UBE2F: variants seen among roughly 807,000 people sequenced by gnomAD.
The protein encoded by UBE2F is NEDD8-conjugating enzyme UBE2F.
UBE2F carries 5 observed loss-of-function variants against 29.6 expected under a neutral mutation model. That is an observed-to-expected ratio of 0.17 (90% CI 0.09 to 0.36). The LOEUF (loss-of-function observed/expected upper bound fraction) is 0.36. Ranked by LOEUF, UBE2F falls within the 10% of genes least tolerant of loss-of-function variation. The pLI is 1.00. For synonymous variants in UBE2F, 66 were observed against 81.8 expected (o/e 0.81, Z 1.04); for missense variants, 141 against 228.5 (o/e 0.62, Z 2.47).
intron 3 of UBE2F, among the ~76,000 whole-genome samples, chr2:237,991,310 A>C (rs1039828472): frequency 6.6e-6 from 1 of 152,214 alleles, no homozygotes; most frequent in Admixed American, 6.5e-5. Flanking sequence ...ACCCTTTACT[A>C]TCTATTTAAT....
At chr2:237,997,507 G>A (rs191974778) in intron 4 of UBE2F, among the ~76,000 whole-genome samples, 94 of 152,238 alleles carry the variant, frequency 6.2e-4, no homozygotes, top group Admixed American at 1.8e-3. Context: ...TTAGAATCCT[G>A]CTCCTCTTCA....
At chr2:237,994,634 C>A in intron 3 of UBE2F, 110 bp from the exon 4 acceptor site, 1 of 798,036 alleles carries the variant, frequency 1.3e-6, no homozygotes, top group Non-Finnish European at 2.1e-6. Flanking sequence ...TTTCCATAAA[C>A]CATACGAATC....
chr2:238,005,616 C>G (rs201226169), intron 4 of UBE2F, among the ~76,000 whole-genome samples: 2 of 116,522 alleles, frequency 1.7e-5, no homozygotes, highest in Non-Finnish European at 3.7e-5. Context: ...TTTTTTTTTT[C>G]TATCTCTTTT....
chr2:237,994,939 G>A, intron 4 of UBE2F, 130 bp downstream of exon 4: 1 of 694,272 alleles, frequency 1.4e-6, no homozygotes, highest in Non-Finnish European at 2.5e-6. Flanking sequence ...AATTTCATAT[G>A]AAGATAAGAT....
At chr2:237,988,068 TGTATA>T (rs2106343053) in intron 3 of UBE2F, 76 bp downstream of exon 3, 1 of 824,040 alleles carries the variant, frequency 1.2e-6, no homozygotes, top group African/African-American at 1.8e-5. Context: ...TTAATAACCT[TGTATA>T]GTAAAAAGCC....
At chr2:238,003,517 G>A in intron 4 of UBE2F, 1 of 418,636 alleles carries the variant, frequency 2.4e-6, no homozygotes, top group South Asian at 1.7e-5. Context: ...GGGATGCTCA[G>A]GCTTCCTGAA....
At chr2:237,998,207 T>TA (rs1473693148) in intron 4 of UBE2F, among the ~76,000 whole-genome samples, 3 of 152,250 alleles carry the variant, frequency 2.0e-5, no homozygotes, top group Non-Finnish European at 4.4e-5. Flanking sequence ...ATGTATAGCT[T>TA]ACATTTGGAA....
rs186461276 is a variant in UBE2F at position 237,994,006 on chromosome 2, C to T, written c.149-738C>T. Among the ~76,000 whole-genome samples, 23 of 152,154 alleles carry T rather than the reference C, an allele frequency of 1.5e-4. No homozygotes were observed. The East Asian group carries it at 4.4e-3, about 29-fold the overall frequency. On this transcript the variant is annotated intron_variant, in intron 3 of 9. Transcript: ENST00000272930. The stretch of plus-strand genomic sequence containing the variant: ...TTTACCAATAAAGCAAGCTGATTTA[C>T]CACTTAGGTAGTAAAGGTATTTTTT...
intron 9 of UBE2F, 79 bp downstream of exon 9, chr2:238,036,019 G>A: frequency 1.5e-6 from 2 of 1,295,464 alleles, no homozygotes; most frequent in Non-Finnish European, 2.2e-6. Context: ...TTGGATAAAT[G>A]AGAAATTTAT....
intron 4 of UBE2F, among the ~76,000 whole-genome samples, chr2:238,011,945 C>A (rs1235143247): frequency 1.3e-5 from 2 of 152,198 alleles, no homozygotes; most frequent in Middle Eastern, 3.4e-3. Flanking sequence ...GTGGTGCAGT[C>A]ATGGCTCACT....
intron 6 of UBE2F, among the ~76,000 whole-genome samples, chr2:238,029,643 C>G (rs898495557): frequency 1.3e-5 from 2 of 151,836 alleles, no homozygotes; most frequent in Non-Finnish European, 2.9e-5. Context: ...ATGCTGGGAG[C>G]TCCCATTGTT....
chr2:237,997,624 A>G (rs985428507), intron 4 of UBE2F, among the ~76,000 whole-genome samples: 2 of 152,250 alleles, frequency 1.3e-5, no homozygotes, highest in Non-Finnish European at 2.9e-5. Context: ...TCCTGGAGCT[A>G]GGGCTGAAAA....
rs2063569833 is a variant in UBE2F at position 237,990,696 on chromosome 2, G to A, written c.148+2704G>A. The A allele has an allele frequency of 1.9e-5, 3 of 159,484 alleles. No homozygotes were observed. In the Admixed American group the frequency reaches 1.9e-4, roughly 10 times the overall value. 9.9% of individuals were successfully genotyped at this position (159,484 alleles called of 1,614,324 possible). On this transcript the variant is annotated intron_variant, in intron 3 of 9. Transcript: ENST00000272930. ...GAATGGCATGAACCCAGGAGGCGGA[G>A]CTTGCAGTGAGCCGAGATAGCACCA...
At chr2:237,993,621 G>A (rs2063632184) in intron 3 of UBE2F, among the ~76,000 whole-genome samples, 1 of 152,182 alleles carries the variant, frequency 6.6e-6, no homozygotes, top group African/African-American at 2.4e-5. Flanking sequence ...GCTGAGGTGG[G>A]AGGATCACCT....
intron 4 of UBE2F, among the ~76,000 whole-genome samples, chr2:237,999,655 T>C (rs2063753186): frequency 6.6e-6 from 1 of 152,208 alleles, no homozygotes; most frequent in Non-Finnish European, 1.5e-5. Flanking sequence ...CTTGAAAGCT[T>C]GACCAAACAG....
intron 4 of UBE2F, among the ~76,000 whole-genome samples, chr2:238,010,345 T>G (rs561403826): frequency 2.0e-5 from 3 of 152,322 alleles, no homozygotes; most frequent in East Asian, 3.9e-4. Flanking sequence ...GACTGATTTT[T>G]GTATTCTTAG....
chr2:237,984,767 CAAG>C (rs1442321084), intron 2 of UBE2F, among the ~76,000 whole-genome samples: 4 of 152,064 alleles, frequency 2.6e-5, no homozygotes, highest in African/African-American at 9.7e-5. Flanking sequence ...AGGTGTGCAA[CAAG>C]AAGGTTTTTG....
intron 6 of UBE2F, among the ~76,000 whole-genome samples, chr2:238,028,214 C>T (rs915195327): frequency 2.6e-5 from 4 of 152,200 alleles, no homozygotes; most frequent in African/African-American, 4.8e-5. Flanking sequence ...ATGCTGGGGC[C>T]GGCCTTGCCT....
chr2:238,022,771 G>A (rs923703425), intron 5 of UBE2F, among the ~76,000 whole-genome samples: 121 of 152,252 alleles, frequency 7.9e-4, no homozygotes, highest in African/African-American at 2.6e-3. Context: ...GATGGTGGCC[G>A]TGCCAAGCAC....
Sources: allele counts gnomAD v4.1 joint callset (sites outside exome capture counted in the v4.1 genomes callset), GRCh38; gene constraint gnomAD v4.1.1; transcripts MANE v1.5; gene names NCBI Gene and HGNC (gene_info 2026-07-23, HGNC 2026-07-21).